HECW2: variants seen among roughly 807,000 people sequenced by gnomAD.
The protein encoded by HECW2 is HECT, C2 and WW domain containing E3 ubiquitin protein ligase 2, also known as E3 ubiquitin-protein ligase HECW2.
In HECW2, 61 loss-of-function variants were observed where a neutral mutation model predicts 175.2. The ratio of observed to expected loss-of-function variants is 0.35; its 90% confidence interval spans 0.28 to 0.43. The LOEUF (loss-of-function observed/expected upper bound fraction) is 0.43. Ranked by LOEUF, HECW2 falls within the 20% of genes least tolerant of loss-of-function variation. The pLI is 1.00. For synonymous variants in HECW2, 671 were observed against 731.0 expected, an observed-to-expected ratio of 0.92 and a Z score of 1.32; for missense variants, 1,524 against 2,000.5, an observed-to-expected ratio of 0.76 and a Z score of 4.54.
At chr2:196,430,076 G>T (rs1434952252) in intron 2 of HECW2, among the ~76,000 whole-genome samples, 1 of 152,174 alleles carries the variant, frequency 6.6e-6, no homozygotes, top group Admixed American at 6.5e-5. Flanking sequence ...AAATGCTGCT[G>T]CTCAGGAGTA....
chr2:196,224,031 C>T (rs1687762576), intron 23 of HECW2, among the ~76,000 whole-genome samples: 1 of 152,092 alleles, frequency 6.6e-6, no homozygotes, highest in Non-Finnish European at 1.5e-5. Context: ...ATTTCTGAGG[C>T]CACAGTGAGT....
rs1449065490 is a variant in HECW2, at chr2:196,399,751, A to AG, written c.292+33380dup. ...AGTCTCCTAAGTAGGACTGACAGAT[A>AG]GAACCGTAGGCCTAACTAGTTTTCA... On this transcript the variant is annotated intron_variant, in intron 2 of 28. Coordinates refer to ENST00000644978, the MANE Select transcript of HECW2 (RefSeq NM_001348768.2). Among the ~76,000 whole-genome samples, 6 of 152,152 alleles carry AG rather than the reference A, an allele frequency of 3.9e-5. No homozygotes were observed. In the East Asian group the frequency reaches 1.2e-3, roughly 29 times the overall value.
intron 1 of HECW2, among the ~76,000 whole-genome samples, chr2:196,538,448 G>A (rs1046627847): frequency 5.3e-5 from 8 of 152,162 alleles, no homozygotes; most frequent in East Asian, 1.9e-4. Flanking sequence ...TTCTGGCAGC[G>A]TAAAAGGTAC....
In HECW2 at chr2:196,315,149, A is replaced by AGTGT. The variant is rs58473650; in HGVS notation, c.2434+2121_2434+2124dup. ...CTTGGTCCTACAGCACGAGTGTATG[A>AGTGT]GTGTGTGTGTGTGTGTGTGTGTGTG... On this transcript the variant is annotated intron_variant, in intron 10 of 28. Coordinates refer to ENST00000644978, the MANE Select transcript of HECW2 (RefSeq NM_001348768.2). 1.1e-3 allele frequency among the ~76,000 whole-genome samples: 155 copies of AGTGT among 144,816 alleles called. 1 individual carries two copies. Among genetic ancestry groups the AGTGT allele is most frequent in the South Asian group, 1.8e-3 (8 of 4,366 alleles).
chr2:196,440,518 C>T (rs1349122575), intron 1 of HECW2, among the ~76,000 whole-genome samples: 2 of 152,062 alleles, frequency 1.3e-5, no homozygotes, highest in Non-Finnish European at 2.9e-5. Context: ...AAATTTTATA[C>T]CTAAAATTTG....
At chr2:196,328,399 C>T (rs1225973361) in intron 5 of HECW2, among the ~76,000 whole-genome samples, 1 of 152,168 alleles carries the variant, frequency 6.6e-6, no homozygotes, top group African/African-American at 2.4e-5. Context: ...CACTAGTTTA[C>T]AGCTGCTGAA....
chr2:196,409,241 A>G (rs1370739981), intron 2 of HECW2, among the ~76,000 whole-genome samples: 1 of 152,240 alleles, frequency 6.6e-6, no homozygotes, highest in Non-Finnish European at 1.5e-5. Flanking sequence ...AGATTCATAA[A>G]TCAAGAAACC....
At chr2:196,240,183 A>G in intron 21 of HECW2, 1 of 274,534 alleles carries the variant, frequency 3.6e-6, no homozygotes, top group Non-Finnish European at 6.8e-6. Flanking sequence ...TAAGAGAAAG[A>G]GAGGTCCGGA....
At chr2:196,258,363 T>C (rs751648905) in intron 17 of HECW2, among the ~76,000 whole-genome samples, 4 of 152,156 alleles carry the variant, frequency 2.6e-5, no homozygotes, top group Non-Finnish European at 5.9e-5. Flanking sequence ...TCATTCCTAA[T>C]TGGAAGCAGA....
chr2:196,195,034 C>G lies in HECW2; in HGVS notation c.*6243G>C, dbSNP rs1343379464. 1 of 152,070 alleles carries G rather than the reference C, an allele frequency of 6.6e-6. No individual in the cohort carries two copies. Among genetic ancestry groups the G allele is most frequent in the East Asian group, 1.9e-4 (1 of 5,186 alleles). The allele number at this position is 152,070 out of a possible 1,614,324, so 9.4% of individuals were successfully genotyped here. A position where few individuals can be genotyped will look rare whatever the true frequency, so the allele number is the denominator to read the frequency against. On this transcript the variant is annotated 3_prime_UTR_variant, in exon 29 of 29. Transcript: ENST00000644978. ...CATTTATTTTGGAATGCCTGCATCC[C>G]TATTATAAAAACATGTAATTTTAAG...
At chr2:196,271,150 TTG>T in intron 17 of HECW2, 41 bp downstream of exon 17, 1 of 1,131,436 alleles carries the variant, frequency 8.8e-7, no homozygotes, top group Non-Finnish European at 1.3e-6. Context: ...ATTTAATGGT[TTG>T]TGCTTATGCA....
In HECW2 at chr2:196,311,506, A is replaced by T. The variant is rs376610926; in HGVS notation, c.2435-3421T>A. On this transcript the variant is annotated intron_variant, in intron 10 of 28. Coordinates refer to ENST00000644978, the MANE Select transcript of HECW2 (RefSeq NM_001348768.2). ...TGAAATGGGGGCTCACAAGAAACTA[A>T]ACCTCAGCGGCCGGGTGCGGTGGCT... Among the ~76,000 whole-genome samples, 49 of 152,310 alleles carry T rather than the reference A, an allele frequency of 3.2e-4. No individual in the cohort carries two copies. In the South Asian group the frequency reaches 4.1e-3, roughly 13 times the overall value.
intron 4 of HECW2, among the ~76,000 whole-genome samples, chr2:196,333,212 A>G (rs1347407770): frequency 1.3e-5 from 2 of 152,082 alleles, no homozygotes; most frequent in Non-Finnish European, 2.9e-5. Flanking sequence ...ATAATATTTG[A>G]TTGATGTCTC....
In HECW2 at chr2:196,523,271, CTGTT is replaced by C. The variant is rs1224324710; in HGVS notation, c.-36+70233_-36+70236del. Among the ~76,000 whole-genome samples, 94 of 151,844 alleles carry C rather than the reference CTGTT, an allele frequency of 6.2e-4. No individual in the cohort carries two copies. In the East Asian group the frequency reaches 8.3e-3, roughly 13 times the overall value. On this transcript the variant is annotated intron_variant, in intron 1 of 28. Transcript: ENST00000644978. ...GGGAGTTCACTCATCATTTGGCTCTCTGTTTGTCTGTTGTTGGTGTATAAGAATG... is the reference window on the plus strand; with the variant it reads ...GGGAGTTCACTCATCATTTGGCTCTCTGTCTGTTGTTGGTGTATAAGAATG...
chr2:196,459,525 A>G (rs1190065676), intron 1 of HECW2, among the ~76,000 whole-genome samples: 2 of 152,030 alleles, frequency 1.3e-5, no homozygotes, highest in Non-Finnish European at 2.9e-5. Flanking sequence ...TTGAAAACTC[A>G]GTTCCCAACC....
At chr2:196,248,147 C>T (rs1344936501) in intron 19 of HECW2, among the ~76,000 whole-genome samples, 1 of 152,108 alleles carries the variant, frequency 6.6e-6, no homozygotes, top group Admixed American at 6.6e-5. Flanking sequence ...AAAAGGCCCT[C>T]GAGTCATTTC....
Position 196,222,242 on chromosome 2 carries a change from G to A in HECW2, c.4115C>T (p.Thr1372Met), listed in dbSNP as rs144268022. The A allele has an allele frequency of 5.6e-6, 9 of 1,613,660 alleles. No individual in the cohort carries two copies. The highest frequency in any genetic ancestry group is 7.6e-6 in the Non-Finnish European group (9 of 1,179,798). Residue 1372 changes from threonine to methionine, a missense_variant, in exon 24 of 29, where the codon ACG (threonine) becomes ATG (methionine). Thr to Met is a moderately conservative substitution (Grantham distance 81, BLOSUM62 -1). This residue lies in a region of HECW2 where 134 missense variants were observed against 287.8 expected (regional missense o/e 0.47). Coordinates refer to ENST00000644978, the MANE Select transcript of HECW2 (RefSeq NM_001348768.2). The part of the protein sequence containing the change: ...DNDIHDILDL[T>M]FTVNEEVFGQ... ...AAATACTTCTTCGTTCACAGTGAAC[G>A]TGAGGTCTAGGATGTCATGGATATC...
chr2:196,378,454 T>C (rs1326625866), intron 2 of HECW2, among the ~76,000 whole-genome samples: 2 of 152,176 alleles, frequency 1.3e-5, no homozygotes, highest in African/African-American at 4.8e-5. Context: ...CCAATTAGAA[T>C]ATTTTCAAAA....
chr2:196,496,525 T>A lies in HECW2; in HGVS notation c.-35-63067A>T, dbSNP rs183684055. On this transcript the variant is annotated intron_variant, in intron 1 of 28. Transcript: ENST00000644978. ...AAACATTTTTTATAATTATCACACA[T>A]AAAGCTCATATTCTTTTTACAGCAT... 5.3e-5 allele frequency among the ~76,000 whole-genome samples: 8 copies of A among 152,292 alleles called. No individual in the cohort carries two copies. The East Asian group carries it at 1.5e-3, about 29-fold the overall frequency.
Sources: allele counts gnomAD v4.1 joint callset (sites outside exome capture counted in the v4.1 genomes callset), GRCh38; gene constraint gnomAD v4.1.1; regional missense constraint gnomAD v4.1.1; transcripts MANE v1.5; gene names NCBI Gene and HGNC (gene_info 2026-07-23, HGNC 2026-07-21).